The following SMCHD1 variants were observed in gnomAD, a reference collection of about 807,000 sequenced individuals.
SMCHD1 encodes structural maintenance of chromosomes flexible hinge domain containing 1, also known as structural maintenance of chromosomes flexible hinge domain-containing protein 1.
Under a neutral mutation model 254.7 loss-of-function variants are expected in SMCHD1, and 78 were observed. The ratio of observed to expected loss-of-function variants is 0.31; its 90% CI spans 0.26 to 0.37. The LOEUF (loss-of-function observed/expected upper bound fraction) is 0.37, where lower values mean the gene tolerates loss of function less well. Among genes scored for constraint, SMCHD1 ranks in the 10% least tolerant of loss-of-function variants. The pLI, the probability that SMCHD1 is intolerant of heterozygous loss-of-function variation, is 1.00. For missense variants in SMCHD1, 1,840 were observed against 2,408.1 expected (o/e 0.76, Z 4.94); for synonymous variants, 766 against 794.9 (o/e 0.96, Z 0.61).
chr18:2,777,068 C>CCG lies in SMCHD1; in HGVS notation c.5367-737_5367-736insGC, dbSNP rs1555653833. Among the ~76,000 whole-genome samples, 5 of 148,418 alleles carry CCG rather than the reference C, an allele frequency of 3.4e-5. 1 individual carries two copies. The highest frequency in any genetic ancestry group is 6.9e-3 in the Middle Eastern group (2 of 290). On this transcript the variant is annotated intron_variant, in intron 42 of 47. Coordinates refer to ENST00000320876, the MANE Select transcript of SMCHD1 (RefSeq NM_015295.3). ...AGAGGCATGCACCACCACCTCCCCCCCCCATACCCTAATACTTTTTGTGAG... is the reference window on the plus strand; with the variant it reads ...AGAGGCATGCACCACCACCTCCCCCCCGCCCATACCCTAATACTTTTTGTGAG...
chr18:2,796,404 C>T lies in SMCHD1; in HGVS notation c.5879-3C>T, dbSNP rs565200929. On this transcript the variant is annotated splice_polypyrimidine_tract_variant and splice_region_variant and intron_variant, in intron 46 of 47. Coordinates refer to ENST00000320876, the MANE Select transcript of SMCHD1 (RefSeq NM_015295.3). ...TAACTTTCTACATTTTCCATCTTCACAGGTATGACTCCCATACGTAAGTGT... is the reference window on the plus strand; with the variant it reads ...TAACTTTCTACATTTTCCATCTTCATAGGTATGACTCCCATACGTAAGTGT... 11 of 1,540,576 alleles carry T rather than the reference C, an allele frequency of 7.1e-6. No individual in the cohort carries two copies. In the African/African-American group the frequency reaches 1.4e-4, roughly 19 times the overall value.
intron 17 of SMCHD1, among the ~76,000 whole-genome samples, chr18:2,710,155 A>G (rs999467607): frequency 6.6e-6 from 1 of 152,184 alleles, no homozygotes; most frequent in Admixed American, 6.5e-5. Context: ...CAAAGACTAT[A>G]CTTTCTCTAT....
chr18:2,708,240 A>ATTG (rs2074566548), intron 17 of SMCHD1, among the ~76,000 whole-genome samples: 2 of 152,236 alleles, frequency 1.3e-5, no homozygotes, highest in African/African-American at 4.8e-5. Flanking sequence ...TAATTACAGT[A>ATTG]ATAATTACAG....
intron 5 of SMCHD1, among the ~76,000 whole-genome samples, chr18:2,679,757 A>G (rs1009074668): frequency 9.2e-5 from 14 of 152,066 alleles, no homozygotes; most frequent in African/African-American, 1.4e-4. Flanking sequence ...TATATAGAAT[A>G]AAGTTTTTCT....
intron 47 of SMCHD1, among the ~76,000 whole-genome samples, chr18:2,799,199 AATATCCAAAATATTTCT>A (rs1178975715): frequency 3.3e-5 from 5 of 152,218 alleles, no homozygotes; most frequent in African/African-American, 1.2e-4. Context: ...TATTGAACCC[AATATCCAAAATATTTCT>A]ACATGTAAAC....
chr18:2,716,697 C>T (rs974144074), intron 17 of SMCHD1, among the ~76,000 whole-genome samples: 1 of 152,198 alleles, frequency 6.6e-6, no homozygotes, highest in African/African-American at 2.4e-5. Context: ...AAAGATCCAG[C>T]ATGGGGAAAG....
chr18:2,709,232 G>GTGTGTA (rs3037640), intron 17 of SMCHD1, among the ~76,000 whole-genome samples: 4 of 79,648 alleles, frequency 5.0e-5, no homozygotes, highest in Admixed American at 1.7e-4. Context: ...GTGTATATGT[G>GTGTGTA]TATATATATA....
chr18:2,769,757 C>G lies in SMCHD1; in HGVS notation c.4783C>G (p.Pro1595Ala), dbSNP rs369179110. Residue 1595 changes from proline (P) to alanine (A), a missense_variant, in exon 38 of 48, where the codon CCC (proline) becomes GCC (alanine). By Grantham distance (27) the Pro-to-Ala change is conservative (BLOSUM62 -1). Coordinates refer to ENST00000320876, the MANE Select transcript of SMCHD1 (RefSeq NM_015295.3). Reference sequence around the variant, plus strand: ...TACTGAATATTTTATTGTATTTGAGCCCCGGCTACCACTTTTATCAAGAAC... The same window carrying G: ...TACTGAATATTTTATTGTATTTGAGGCCCGGCTACCACTTTTATCAAGAAC... ...DSTEYFIVFE[P>A]RLPLLSRTLE... 1.4e-5 allele frequency: 23 copies of G among 1,602,896 alleles called. No homozygotes were observed. The African/African-American group carries it at 2.5e-4, about 18-fold the overall frequency.
At chr18:2,681,627 C>G (rs992579796) in intron 5 of SMCHD1, among the ~76,000 whole-genome samples, 5 of 148,442 alleles carry the variant, frequency 3.4e-5, no homozygotes, top group Non-Finnish European at 7.5e-5. Flanking sequence ...ATTACATAAA[C>G]CTAGAAAATT....
chr18:2,707,479 T>G, intron 15 of SMCHD1, 84 bp from the exon 16 acceptor site: 2 of 775,156 alleles, frequency 2.6e-6, no homozygotes, highest in East Asian at 5.3e-5. Context: ...AATAAATATT[T>G]AAGTTTCTAA....
intron 43 of SMCHD1, 117 bp from the exon 44 acceptor site, chr18:2,778,052 A>G (rs1004236310): frequency 5.8e-5 from 58 of 1,004,380 alleles, no homozygotes; most frequent in Non-Finnish European, 7.8e-5. Flanking sequence ...TAGAGTACAA[A>G]TAAAATTAGA....
At chr18:2,662,741 G>A (rs559455243) in intron 1 of SMCHD1, among the ~76,000 whole-genome samples, 1 of 148,684 alleles carries the variant, frequency 6.7e-6, no homozygotes, top group Non-Finnish European at 1.5e-5. Context: ...ATACACGACT[G>A]TCATGGTTAT....
chr18:2,673,143 T>C, intron 3 of SMCHD1, 138 bp from the exon 4 acceptor site: 2 of 1,325,844 alleles, frequency 1.5e-6, no homozygotes, highest in Non-Finnish European at 1.9e-6. Flanking sequence ...TTATTATGTA[T>C]TATATCATTA....
intron 5 of SMCHD1, among the ~76,000 whole-genome samples, chr18:2,687,347 A>G (rs190019448): frequency 4.6e-5 from 7 of 152,310 alleles, no homozygotes; most frequent in Non-Finnish European, 7.4e-5. Flanking sequence ...GTTTTTATCT[A>G]TAAATTGTTT....
intron 1 of SMCHD1, among the ~76,000 whole-genome samples, chr18:2,665,736 TTTC>T (rs1302564515): frequency 6.6e-6 from 1 of 152,238 alleles, no homozygotes; most frequent in African/African-American, 2.4e-5. Context: ...TAACTTCTGT[TTTC>T]TTCTATTTTG....
intron 24 of SMCHD1, among the ~76,000 whole-genome samples, chr18:2,731,404 A>G (rs770760330): frequency 6.6e-6 from 1 of 152,204 alleles, no homozygotes; most frequent in Non-Finnish European, 1.5e-5. Flanking sequence ...TTTGATCTGT[A>G]GAACACTGGT....
intron 10 of SMCHD1, among the ~76,000 whole-genome samples, chr18:2,700,038 GCTTA>G (rs1414803803): frequency 1.3e-5 from 2 of 152,106 alleles, no homozygotes; most frequent in Non-Finnish European, 2.9e-5. Flanking sequence ...CATTTTTCAT[GCTTA>G]CTTGAATCTG....
In SMCHD1 at chr18:2,759,692, C is replaced by T. The variant is rs185963208; in HGVS notation, c.4347-960C>T. ...TCAAGCGATTCTCCTGCCTCAGCCT[C>T]CTGAATAGCGGGGACTACAGGCGCA... is the stretch of plus-strand genomic sequence containing the variant. On this transcript the variant is annotated intron_variant, in intron 34 of 47. Transcript: ENST00000320876. 4.2e-3 allele frequency among the ~76,000 whole-genome samples: 637 copies of T among 150,698 alleles called. 4 individuals carry two copies. The highest frequency in any genetic ancestry group is 0.015 in the African/African-American group (614 of 41,026).
At chr18:2,719,096 A>G (rs865796333) in intron 19 of SMCHD1, among the ~76,000 whole-genome samples, 4 of 151,074 alleles carry the variant, frequency 2.6e-5, no homozygotes, top group Middle Eastern at 3.4e-3. Flanking sequence ...GTTTTTATCT[A>G]GTATCATCCA....
Sources: allele counts gnomAD v4.1 joint callset (sites outside exome capture counted in the v4.1 genomes callset), GRCh38; gene constraint gnomAD v4.1.1; transcripts MANE v1.5; gene names NCBI Gene and HGNC (gene_info 2026-07-23, HGNC 2026-07-21).